Variants in THUMPD2 observed in about 807,000 individuals in gnomAD.
THUMPD2 encodes the protein THUMP domain 2 tRNA and snRNA guanosine methyltransferase.
Under a neutral mutation model 49.4 loss-of-function variants are expected in THUMPD2, and 56 were observed. The observed-to-expected ratio is 1.13, with a 90% CI of 0.91 to 1.41. The LOEUF (loss-of-function observed/expected upper bound fraction) is 1.41, where lower values mean the gene tolerates loss of function less well. Among genes scored for constraint, THUMPD2 ranks in the 40% most tolerant of loss-of-function variants. The pLI, the probability that THUMPD2 is intolerant of heterozygous loss-of-function variation, is 0.00. For synonymous variants in THUMPD2, 237 were observed against 205.2 expected, an observed-to-expected ratio of 1.15 and a Z score of -1.32; for missense variants, 709 against 594.5, an observed-to-expected ratio of 1.19 and a Z score of -2.00.
chr2:39,764,858 A>G (rs1191669004), intron 5 of THUMPD2, among the ~76,000 whole-genome samples: 1 of 152,202 alleles, frequency 6.6e-6, no homozygotes, highest in African/African-American at 2.4e-5. Context: ...ACTAGTGCTC[A>G]TTCAAGGTCT....
chr2:39,764,012 T>G (rs974637351), intron 5 of THUMPD2, among the ~76,000 whole-genome samples: 2 of 152,236 alleles, frequency 1.3e-5, no homozygotes, highest in Admixed American at 1.3e-4. Flanking sequence ...CCTTGTGCCT[T>G]TGCACAGAGA....
intron 1 of THUMPD2, among the ~76,000 whole-genome samples, chr2:39,774,843 A>G (rs1678859199): frequency 6.6e-6 from 1 of 152,184 alleles, no homozygotes; most frequent in Non-Finnish European, 1.5e-5. Context: ...AAGTATCTAA[A>G]AACAGCTGGT....
rs545917488 is a variant in THUMPD2 at position 39,766,180 on chromosome 2, T to C, written c.751-71A>G. ...TACCAAATTACTGACAATTTGAAAT[T>C]TCCATTTTAAACTTACATGATCTAT... On this transcript the variant is annotated intron_variant, in intron 4 of 9. Transcript: ENST00000505747. The C allele has an allele frequency of 4.1e-4, 489 of 1,183,258 alleles. 1 individual carries two copies. The highest frequency in any genetic ancestry group is 3.4e-3 in the Middle Eastern group (17 of 5,070). 73.3% of individuals were successfully genotyped at this position (1,183,258 alleles called of 1,614,324 possible).
chr2:39,737,036 A>G lies in THUMPD2; in HGVS notation c.1211T>C (p.Ile404Thr). ...MERVLHVGGT[I>T]VLLLSEDHHR... ...GTGATCTTCACTAAGCAACAATACA[A>G]TGGTTCCGCCAACATGAAGCACTCT... Residue 404 changes from isoleucine to threonine, a missense_variant, in exon 10 of 10, where the codon ATT becomes ACT. Physicochemically the swap from Ile to Thr is moderately conservative, Grantham distance 89. Coordinates refer to ENST00000505747, the MANE Select transcript of THUMPD2 (RefSeq NM_025264.5). 2 of 1,610,784 alleles carry G rather than the reference A, an allele frequency of 1.2e-6. No homozygotes were observed. Among genetic ancestry groups the G allele is most frequent in the African/African-American group, 1.3e-5 (1 of 74,944 alleles).
intron 9 of THUMPD2, among the ~76,000 whole-genome samples, chr2:39,743,343 T>A (rs146416574): frequency 5.8e-4 from 89 of 152,340 alleles, no homozygotes; most frequent in African/African-American, 2.1e-3. Context: ...TGCATATCCA[T>A]GACTCATTGT....
chr2:39,739,656 TC>T (rs1673643445), intron 9 of THUMPD2, among the ~76,000 whole-genome samples: 1 of 152,144 alleles, frequency 6.6e-6, no homozygotes, highest in Non-Finnish European at 1.5e-5. Context: ...TGCAAAGACT[TC>T]CAAACGTGTC....
At chr2:39,752,945 A>G (rs1675609521) in intron 8 of THUMPD2, among the ~76,000 whole-genome samples, 1 of 151,998 alleles carries the variant, frequency 6.6e-6, no homozygotes, top group Non-Finnish European at 1.5e-5. Context: ...ATGCCCAACC[A>G]CTCATGCACT....
rs904070293 is a variant in THUMPD2 at position 39,750,029 on chromosome 2, T to C, written c.1078+5266A>G. On this transcript the variant is annotated intron_variant, in intron 8 of 9. Coordinates refer to ENST00000505747, the MANE Select transcript of THUMPD2 (RefSeq NM_025264.5). ...GGGCATTTGGGTTGACTCTGTGTCTTTGCTATCATGAATAGTGCTCAAGTG... is the reference window on the plus strand; with the variant it reads ...GGGCATTTGGGTTGACTCTGTGTCTCTGCTATCATGAATAGTGCTCAAGTG... 5.9e-5 allele frequency among the ~76,000 whole-genome samples: 9 copies of C among 152,226 alleles called. No homozygotes were observed. In the East Asian group the frequency reaches 1.2e-3, roughly 20 times the overall value.
intron 5 of THUMPD2, among the ~76,000 whole-genome samples, chr2:39,765,832 C>T (rs1677441613): frequency 6.6e-6 from 1 of 152,116 alleles, no homozygotes; most frequent in Admixed American, 6.5e-5. Context: ...ATCATGTAAT[C>T]AGTAGATTAC....
At chr2:39,768,542 A>G in intron 3 of THUMPD2, 41 bp from the exon 4 acceptor site, 1 of 1,527,558 alleles carries the variant, frequency 6.5e-7, no homozygotes, top group Non-Finnish European at 9.0e-7. Context: ...ACTAAAAATG[A>G]AAATTTTAAG....
intron 1 of THUMPD2, among the ~76,000 whole-genome samples, chr2:39,777,438 G>C (rs1254980297): frequency 6.6e-6 from 1 of 152,210 alleles, no homozygotes; most frequent in East Asian, 1.9e-4. Context: ...TTTAAAGCTA[G>C]AGAGACTCAG....
In THUMPD2 at chr2:39,767,947, T is replaced by C. The variant is rs536017888; in HGVS notation, c.750+477A>G. ...AATATTTTTTGTTTCCCCATACAAA[T>C]ACTTGTTTGTTCCAAATAAAAATAC... On this transcript the variant is annotated intron_variant, in intron 4 of 9. Coordinates refer to ENST00000505747, the MANE Select transcript of THUMPD2 (RefSeq NM_025264.5). 4.6e-5 allele frequency among the ~76,000 whole-genome samples: 7 copies of C among 152,292 alleles called. No individual in the cohort carries two copies. In the South Asian group the frequency reaches 1.2e-3, roughly 27 times the overall value.
chr2:39,755,678 T>G (rs927648007), intron 7 of THUMPD2, among the ~76,000 whole-genome samples: 4 of 152,334 alleles, frequency 2.6e-5, no homozygotes, highest in Non-Finnish European at 5.9e-5. Context: ...ATGATTAGAA[T>G]TCTCTCATAT....
intron 7 of THUMPD2, 44 bp downstream of exon 7, chr2:39,755,845 T>A (rs1434778937): frequency 2.0e-6 from 3 of 1,515,512 alleles, no homozygotes; most frequent in Non-Finnish European, 2.8e-6. Flanking sequence ...CATATACTGA[T>A]TAAAGTAGAT....
chr2:39,736,861 G>C lies in THUMPD2; in HGVS notation c.1386C>G (p.Asn462Lys). Reference sequence around the variant, plus strand: ...GTGACATTCTGTCTAAGAATTTGTGGTTACTGGCTTCGAATGAAGTTGACG... The same window carrying C: ...GTGACATTCTGTCTAAGAATTTGTGCTTACTGGCTTCGAATGAAGTTGACG... Reference protein sequence around the residue: ...KTASTSFEASNHKFLDRMSPF... With the variant: ...KTASTSFEASKHKFLDRMSPF... Residue 462 changes from asparagine to lysine, a missense_variant, in exon 10 of 10, where the codon AAC becomes AAG. Physicochemically the swap from Asn to Lys is moderately conservative, Grantham distance 94 (BLOSUM62 0). Transcript: ENST00000505747. 6.2e-7 allele frequency: 1 copy of C among 1,614,166 alleles called. No homozygotes were observed.
intron 4 of THUMPD2, chr2:39,766,336 A>G (rs2148317709): frequency 2.9e-6 from 1 of 343,196 alleles, no homozygotes; most frequent in East Asian, 5.5e-5. Flanking sequence ...TCAATTTATT[A>G]TATAGGAGAG....
chr2:39,757,933 C>T lies in THUMPD2; in HGVS notation c.892-1973G>A, dbSNP rs575772592. The stretch of plus-strand genomic sequence containing the variant: ...TACTGGGGTCACTTAGATTGTGGGT[C>T]ACTACCACATTCCCTCCAAAAGAAC... On this transcript the variant is annotated intron_variant, in intron 6 of 9. Transcript: ENST00000505747. Among the ~76,000 whole-genome samples, 6 of 152,236 alleles carry T rather than the reference C, an allele frequency of 3.9e-5. No individual in the cohort carries two copies. In the South Asian group the frequency reaches 1.2e-3, roughly 32 times the overall value.
rs188354375 is a variant in THUMPD2, at chr2:39,766,198, T to C, written c.751-89A>G. On this transcript the variant is annotated intron_variant, in intron 4 of 9. Coordinates refer to ENST00000505747, the MANE Select transcript of THUMPD2 (RefSeq NM_025264.5). ...TTGAAATTTCCATTTTAAACTTACA[T>C]GATCTATGTTTTAAAAAGAAACTCC... 1,895 of 947,092 alleles carry C rather than the reference T, an allele frequency of 2.0e-3. 5 individuals carry two copies. The highest frequency in any genetic ancestry group is 2.5e-3 in the Non-Finnish European group (1,579 of 644,412). 58.7% of individuals were successfully genotyped at this position (947,092 alleles called of 1,614,324 possible).
At chr2:39,776,535 AG>A (rs1364724710) in intron 1 of THUMPD2, among the ~76,000 whole-genome samples, 2 of 151,930 alleles carry the variant, frequency 1.3e-5, no homozygotes, top group Admixed American at 1.3e-4. Context: ...CCGGGACTAC[AG>A]GTGTACGCCA....
Sources: gnomAD v4.1 joint callset for allele counts (sites outside exome capture counted in the v4.1 genomes callset) on GRCh38, gnomAD v4.1.1 for gene constraint, MANE v1.5 for transcripts, NCBI Gene and HGNC (gene_info 2026-07-23, HGNC 2026-07-21) for gene names.